The following ZNF827 variants were observed in gnomAD, a reference collection of about 807,000 sequenced individuals.
The protein encoded by ZNF827 is zinc finger protein 827.
A neutral mutation model predicts 102.4 loss-of-function variants in ZNF827; 13 were observed. The ratio of observed to expected loss-of-function variants is 0.13; its 90% CI spans 0.08 to 0.20. The LOEUF (loss-of-function observed/expected upper bound fraction) is 0.20, where lower values mean the gene tolerates loss of function less well. ZNF827 is among the 10% of genes least tolerant of loss of function. ZNF827 has a pLI of 1.00. For missense variants in ZNF827, 1,103 were observed against 1,344.4 expected (o/e 0.82, Z 2.81); for synonymous variants, 523 against 536.2 (o/e 0.98, Z 0.34).
chr4:145,881,455 T>A (rs1256725209), intron 4 of ZNF827, among the ~76,000 whole-genome samples: 1 of 152,240 alleles, frequency 6.6e-6, no homozygotes, highest in African/African-American at 2.4e-5. Flanking sequence ...CAAAAAGATA[T>A]TCCCAGCCAA....
chr4:145,866,805 G>T (rs888388088), intron 5 of ZNF827, among the ~76,000 whole-genome samples: 4 of 152,140 alleles, frequency 2.6e-5, no homozygotes, highest in African/African-American at 9.7e-5. Flanking sequence ...AAAGAAGAGG[G>T]CATTTATCTT....
chr4:145,904,648 T>C (rs56407706), intron 1 of ZNF827, among the ~76,000 whole-genome samples: 14,061 of 152,194 alleles, frequency 0.092, 755 homozygotes, highest in Admixed American at 0.16. Context: ...GTCAGAGCAG[T>C]GCCATAGGAG....
intron 3 of ZNF827, among the ~76,000 whole-genome samples, chr4:145,889,834 A>T (rs547671474): frequency 5.3e-5 from 8 of 151,980 alleles, no homozygotes; most frequent in Non-Finnish European, 1.0e-4. Flanking sequence ...AAAATTAGCC[A>T]GGCGTGGTGG....
chr4:145,833,580 C>A (rs2126560894), intron 7 of ZNF827, among the ~76,000 whole-genome samples: 1 of 152,228 alleles, frequency 6.6e-6, no homozygotes. Flanking sequence ...TTCTCCTTCA[C>A]CCTTAGCGGC....
intron 1 of ZNF827, among the ~76,000 whole-genome samples, chr4:145,923,287 G>C (rs1465713260): frequency 6.6e-6 from 1 of 152,048 alleles, no homozygotes; most frequent in Non-Finnish European, 1.5e-5. Context: ...ATTTTCTTCA[G>C]ATATGCCATC....
chr4:145,849,514 T>A lies in ZNF827; in HGVS notation c.2029A>T (p.Met677Leu). ...TGGGAGTCCTGGATGTCAACCTCCA[T>A]GGGTTCCTCTTTAATCTTCACCATC... is the stretch of plus-strand genomic sequence containing the variant. ...TQMVKIKEEP[M>L]EVDIQDSHVS... Residue 677 changes from methionine (M) to leucine (L), a missense_variant, in exon 6 of 15, where the codon ATG becomes TTG. Coordinates refer to ENST00000508784, the MANE Select transcript of ZNF827 (RefSeq NM_001306215.2). The A allele has an allele frequency of 1.2e-6, 2 of 1,614,212 alleles. No homozygotes were observed. Among genetic ancestry groups the A allele is most frequent in the Non-Finnish European group, 1.7e-6 (2 of 1,180,030 alleles).
chr4:145,847,832 C>T (rs889705826), intron 6 of ZNF827, among the ~76,000 whole-genome samples: 7 of 152,282 alleles, frequency 4.6e-5, no homozygotes, highest in South Asian at 2.1e-4. Flanking sequence ...TTGCAACACC[C>T]GTCTCACACT....
intron 5 of ZNF827, among the ~76,000 whole-genome samples, chr4:145,858,088 T>C (rs971632757): frequency 9.2e-5 from 14 of 151,982 alleles, no homozygotes; most frequent in Admixed American, 4.6e-4. Context: ...AATAGGCCTT[T>C]ATATATCCTT....
chr4:145,822,984 C>T (rs984447237), intron 8 of ZNF827, among the ~76,000 whole-genome samples: 2 of 152,202 alleles, frequency 1.3e-5, no homozygotes, highest in Non-Finnish European at 2.9e-5. Flanking sequence ...TGAGCTGTCT[C>T]GTTTCCATGC....
intron 8 of ZNF827, among the ~76,000 whole-genome samples, chr4:145,792,387 GAAAA>G (rs920456913): frequency 2.7e-4 from 41 of 149,428 alleles, no homozygotes; most frequent in African/African-American, 3.2e-4. Context: ...AAAAAAAAAA[GAAAA>G]AAAAGAAATG....
intron 1 of ZNF827, among the ~76,000 whole-genome samples, chr4:145,910,616 TCTC>T (rs1436381649): frequency 6.6e-6 from 1 of 152,118 alleles, no homozygotes; most frequent in Non-Finnish European, 1.5e-5. Context: ...TTCCAACTGG[TCTC>T]CTCACTTCCC....
At chr4:145,830,604 AATTT>A (rs1246952390) in intron 7 of ZNF827, 2 of 152,080 alleles carry the variant, frequency 1.3e-5, no homozygotes, top group African/African-American at 4.8e-5. Context: ...TCCTTTTATT[AATTT>A]ATTTGCTAAT....
rs1437389332 is a variant in ZNF827, at chr4:145,911,964, T to G, written c.44-8749A>C. The stretch of plus-strand genomic sequence containing the variant: ...AATAATTTTATATAGGAAACCAAAC[T>G]TTTCATTTTACAGACCAAAAAACCC... On this transcript the variant is annotated intron_variant, in intron 1 of 14. Coordinates refer to ENST00000508784, the MANE Select transcript of ZNF827 (RefSeq NM_001306215.2). Among the ~76,000 whole-genome samples, 3 of 152,198 alleles carry G rather than the reference T, an allele frequency of 2.0e-5. No homozygotes were observed. The East Asian group carries it at 5.8e-4, about 29-fold the overall frequency.
At chr4:145,877,758 T>A (rs966996550) in intron 4 of ZNF827, among the ~76,000 whole-genome samples, 3 of 152,154 alleles carry the variant, frequency 2.0e-5, no homozygotes, top group Non-Finnish European at 4.4e-5. Context: ...AAAACTAAAC[T>A]ACTAAAACCA....
At chr4:145,911,089 A>G (rs1752252936) in intron 1 of ZNF827, among the ~76,000 whole-genome samples, 1 of 152,248 alleles carries the variant, frequency 6.6e-6, no homozygotes, top group South Asian at 2.1e-4. Context: ...TATTTTCAAA[A>G]TTGTAAATTA....
rs543518864 is a variant in ZNF827, at chr4:145,824,056, T to C, written c.2280-531A>G. ...CGAAAACTGCAACTTGAAATTGTGTTGGTTCTGATGGAGTTAAAGTCAGAA... is the reference window on the plus strand; with the variant it reads ...CGAAAACTGCAACTTGAAATTGTGTCGGTTCTGATGGAGTTAAAGTCAGAA... On this transcript the variant is annotated intron_variant, in intron 7 of 14. Coordinates refer to ENST00000508784, the MANE Select transcript of ZNF827 (RefSeq NM_001306215.2). Among the ~76,000 whole-genome samples, 21 of 152,230 alleles carry C rather than the reference T, an allele frequency of 1.4e-4. No homozygotes were observed. The South Asian group carries it at 3.5e-3, about 26-fold the overall frequency.
intron 7 of ZNF827, among the ~76,000 whole-genome samples, chr4:145,834,232 A>C (rs1348154316): frequency 1.7e-4 from 26 of 149,138 alleles, no homozygotes; most frequent in Admixed American, 3.4e-4. Flanking sequence ...AAACGGTCTG[A>C]GGTGCCTGAC....
intron 7 of ZNF827, chr4:145,830,587 T>G (rs977503401): frequency 2.2e-4 from 33 of 152,208 alleles, no homozygotes; most frequent in African/African-American, 7.5e-4. Flanking sequence ...TTTTCTCAAC[T>G]ATTACTTCCT....
At position 145,763,392 on chromosome 4, in the gene ZNF827, A is replaced by C. The variant is rs926632296; in HGVS notation, c.3231-270T>G. On this transcript the variant is annotated intron_variant, in intron 13 of 14. Transcript: ENST00000508784. This position sits in a 1 kb window ranked among gnomAD's most constrained non-coding sequence, Gnocchi z 4.6. ...CAAAGGAAACAAAACAAAACAAAAC[A>C]AAGACTCACTGTATAGCCAGAAGGC... Among the ~76,000 whole-genome samples, 1 of 152,246 alleles carries C rather than the reference A, an allele frequency of 6.6e-6. No individual in the cohort carries two copies. The highest frequency in any genetic ancestry group is 1.5e-5 in the Non-Finnish European group (1 of 68,044).
Sources: allele counts gnomAD v4.1 joint callset (sites outside exome capture counted in the v4.1 genomes callset), GRCh38; gene constraint gnomAD v4.1.1; non-coding constraint Gnocchi (gnomAD v3.1); transcripts MANE v1.5; gene names NCBI Gene and HGNC (gene_info 2026-07-23, HGNC 2026-07-21).